Variants in USO1 observed in about 807,000 individuals in gnomAD.
The protein encoded by USO1 is USO1 vesicle transport factor.
A neutral mutation model predicts 124.5 loss-of-function variants in USO1; 57 were observed. That is an observed-to-expected ratio of 0.46 (90% CI 0.37 to 0.57). USO1 has a LOEUF of 0.57. Among genes scored for constraint, USO1 ranks in the 20% least tolerant of loss-of-function variants. The pLI is 0.00. For missense variants in USO1, 900 were observed against 1,040.6 expected (o/e 0.86, Z 1.86); for synonymous variants, 369 against 362.8 (o/e 1.02, Z -0.19).
chr4:75,803,201 G>T (rs1284393581), intron 17 of USO1, among the ~76,000 whole-genome samples: 1 of 151,662 alleles, frequency 6.6e-6, no homozygotes, highest in East Asian at 1.9e-4. Context: ...AATTAGATAG[G>T]ATTAAAAATT....
At position 75,745,115 on chromosome 4, in the gene USO1, C is replaced by CT. The variant is rs201268582; in HGVS notation, c.67-7255dup. 1.2e-4 allele frequency among the ~76,000 whole-genome samples: 18 copies of CT among 152,292 alleles called. No homozygotes were observed. In the East Asian group the frequency reaches 2.7e-3, roughly 23 times the overall value. ...TGTTATAGTAATGAGCTGCCCTGTT[C>CT]TTTCTATCTTTAATCTCCCCACTCC... On this transcript the variant is annotated intron_variant, in intron 1 of 23. Transcript: ENST00000514213.
chr4:75,726,897 G>T (rs1187773464), intron 1 of USO1, among the ~76,000 whole-genome samples: 1 of 152,114 alleles, frequency 6.6e-6, no homozygotes, highest in Non-Finnish European at 1.5e-5. Flanking sequence ...TTTGAATCCT[G>T]GCTTTCCACC....
chr4:75,811,404 C>CAGGTG (rs1178880102), intron 22 of USO1, among the ~76,000 whole-genome samples: 1 of 152,192 alleles, frequency 6.6e-6, no homozygotes, highest in East Asian at 1.9e-4. Flanking sequence ...GATCTGCCCG[C>CAGGTG]ATTGGCCCCC....
intron 9 of USO1, among the ~76,000 whole-genome samples, chr4:75,785,199 A>G (rs1315367326): frequency 6.6e-6 from 1 of 152,224 alleles, no homozygotes; most frequent in Non-Finnish European, 1.5e-5. Flanking sequence ...GGACATACAC[A>G]TTCTGTGTTG....
chr4:75,741,432 G>A (rs1027379161), intron 1 of USO1, among the ~76,000 whole-genome samples: 1 of 151,896 alleles, frequency 6.6e-6, no homozygotes, highest in African/African-American at 2.4e-5. Flanking sequence ...ATTTTCTTCA[G>A]TAATTGACCT....
Position 75,771,110 on chromosome 4 carries a change from G to C in USO1, c.528G>C (p.Ala176=). 6.2e-7 allele frequency: 1 copy of C among 1,611,198 alleles called. No individual in the cohort carries two copies. Among genetic ancestry groups the C allele is most frequent in the Non-Finnish European group, 8.5e-7 (1 of 1,178,988 alleles). The change falls in exon 7 of 24, where the codon GCG becomes GCC. Residue 176 remains alanine, a synonymous_variant. Transcript: ENST00000514213. ...TTTCAAGATTGATGGACTTACTAGC[G>C]GATTCCAGGGAAGTTATACGTAATG... The part of the protein sequence containing the change: ...MGVSRLMDLL[A]DSREVIRNDG...
At chr4:75,728,539 A>G (rs1035491798) in intron 1 of USO1, among the ~76,000 whole-genome samples, 1 of 152,144 alleles carries the variant, frequency 6.6e-6, no homozygotes, top group Non-Finnish European at 1.5e-5. Flanking sequence ...AATCTCAGCT[A>G]CTCAGGAGGC....
chr4:75,742,134 A>G (rs1255783645), intron 1 of USO1, among the ~76,000 whole-genome samples: 1 of 152,212 alleles, frequency 6.6e-6, no homozygotes, highest in Non-Finnish European at 1.5e-5. Flanking sequence ...GTAGAAGTAC[A>G]CTCTAACATA....
At chr4:75,804,299 A>C in intron 18 of USO1, 27 bp downstream of exon 18, 2 of 1,601,302 alleles carry the variant, frequency 1.2e-6, no homozygotes, top group Non-Finnish European at 1.7e-6. Context: ...CATCACTATG[A>C]TAGCACTCAG....
intron 12 of USO1, among the ~76,000 whole-genome samples, chr4:75,791,745 A>G (rs191041423): frequency 2.1e-3 from 316 of 152,266 alleles, no homozygotes; most frequent in Admixed American, 4.3e-3. Flanking sequence ...AACTCATTTT[A>G]ATTACATACA....
intron 8 of USO1, 119 bp from the exon 9 acceptor site, chr4:75,782,561 A>G (rs1012075050): frequency 9.1e-6 from 12 of 1,317,766 alleles, no homozygotes; most frequent in South Asian, 6.3e-5. Context: ...CAGACTGTCT[A>G]TCTGCCTGGC....
intron 3 of USO1, chr4:75,755,489 T>C (rs757311776): frequency 1.9e-6 from 1 of 519,914 alleles, no homozygotes; most frequent in Non-Finnish European, 3.8e-6. Flanking sequence ...AAGCTAAAGA[T>C]ACAAGCTTTT....
At chr4:75,774,907 T>G in intron 8 of USO1, 111 bp downstream of exon 8, 1 of 1,402,676 alleles carries the variant, frequency 7.1e-7, no homozygotes, top group Non-Finnish European at 9.4e-7. Flanking sequence ...ATACTCTTTG[T>G]TTTTCTTTCA....
rs1383783627 is a variant in USO1, at chr4:75,809,189, C to A, written c.2475+138C>A. ...TACTTACTAGCCGGTATTCTAGTAA[C>A]ATAGGCTTCATGTTCATGGTGACAG... On this transcript the variant is annotated intron_variant, in intron 21 of 23. Coordinates refer to ENST00000514213, the MANE Select transcript of USO1 (RefSeq NM_003715.4). 14 of 1,037,690 alleles carry A rather than the reference C, an allele frequency of 1.3e-5. No homozygotes were observed. In the African/African-American group the frequency reaches 2.3e-4, roughly 17 times the overall value. The allele number at this position is 1,037,690 out of a possible 1,614,324, so 64.3% of individuals were successfully genotyped here. A position where few individuals can be genotyped will look rare whatever the true frequency, so the allele number is the denominator to read the frequency against.
At position 75,739,692 on chromosome 4, in the gene USO1, A is replaced by G. The variant is rs1289168016; in HGVS notation, c.67-12681A>G. 2.6e-5 allele frequency among the ~76,000 whole-genome samples: 4 copies of G among 151,546 alleles called. No individual in the cohort carries two copies. The East Asian group carries it at 5.9e-4, about 22-fold the overall frequency. ...CTCCTGAGTAGCTGGGTTTACAGTC[A>G]TGCTCCACCACACTCAGCTAGTTTT... On this transcript the variant is annotated intron_variant, in intron 1 of 23. Transcript: ENST00000514213.
At chr4:75,744,054 G>GCATGAGC (rs1721048337) in intron 1 of USO1, among the ~76,000 whole-genome samples, 1 of 152,142 alleles carries the variant, frequency 6.6e-6, no homozygotes, top group Admixed American at 6.5e-5. Context: ...GGGATTACAG[G>GCATGAGC]CATGAGCCAC....
intron 15 of USO1, 64 bp downstream of exon 15, chr4:75,800,533 T>TTTTTTTAA (rs1722815428): frequency 6.6e-7 from 1 of 1,520,718 alleles, no homozygotes; most frequent in Non-Finnish European, 8.8e-7. Context: ...TTTTTTTTTT[T>TTTTTTTAA]GCCAAAGCAT....
intron 1 of USO1, among the ~76,000 whole-genome samples, chr4:75,747,602 C>CTTTTT (rs59636038): frequency 9.8e-4 from 82 of 83,660 alleles, no homozygotes; most frequent in African/African-American, 1.3e-3. Context: ...TCACCTTTGA[C>CTTTTT]TTTTTTTTTT....
At chr4:75,758,796 A>T (rs2149159741) in intron 4 of USO1, among the ~76,000 whole-genome samples, 1 of 152,280 alleles carries the variant, frequency 6.6e-6, no homozygotes, top group South Asian at 2.1e-4. Context: ...TTAAGGGTGA[A>T]AAATATTTAG....
Sources: allele counts gnomAD v4.1 joint callset (sites outside exome capture counted in the v4.1 genomes callset), GRCh38; gene constraint gnomAD v4.1.1; transcripts MANE v1.5; gene names NCBI Gene and HGNC (gene_info 2026-07-23, HGNC 2026-07-21).